Variants in RALGPS1 observed in about 807,000 individuals in gnomAD.
RALGPS1 encodes ras-specific guanine nucleotide-releasing factor RalGPS1.
RALGPS1 carries 19 observed loss-of-function variants against 78.8 expected under a neutral mutation model. That is an observed-to-expected ratio of 0.24 (90% CI 0.17 to 0.35). RALGPS1 has a LOEUF of 0.35. Among genes scored for constraint, RALGPS1 ranks in the 10% least tolerant of loss-of-function variants. RALGPS1 has a pLI of 1.00. For missense variants in RALGPS1, 454 were observed against 688.3 expected, an observed-to-expected ratio of 0.66 and a Z score of 3.81; for synonymous variants, 228 against 256.3, an observed-to-expected ratio of 0.89 and a Z score of 1.06.
chr9:127,054,576 G>C (rs2048555684), intron 7 of RALGPS1, among the ~76,000 whole-genome samples: 1 of 152,156 alleles, frequency 6.6e-6, no homozygotes, highest in Non-Finnish European at 1.5e-5. Context: ...CAGGACAGTG[G>C]GCAGCAGCAG....
chr9:127,178,536 A>G (rs902470183), intron 11 of RALGPS1: 151 of 977,232 alleles, frequency 1.5e-4, no homozygotes, highest in East Asian at 2.3e-4. Context: ...TTCTGCCTCC[A>G]TCATTGCCTC....
At chr9:126,972,560 T>C (rs936499230) in intron 3 of RALGPS1, among the ~76,000 whole-genome samples, 1 of 152,190 alleles carries the variant, frequency 6.6e-6, no homozygotes, top group Non-Finnish European at 1.5e-5. Flanking sequence ...GATGAAGCAG[T>C]GTGCCGCCAC....
intron 17 of RALGPS1, 122 bp downstream of exon 17, chr9:127,213,171 C>T: frequency 1.3e-6 from 2 of 1,486,744 alleles, no homozygotes; most frequent in African/African-American, 2.8e-5. Context: ...GCTTTAGATT[C>T]TGACGTTCAT....
chr9:126,945,961 G>A (rs1488515275), intron 1 of RALGPS1, among the ~76,000 whole-genome samples: 1 of 152,180 alleles, frequency 6.6e-6, no homozygotes, highest in Admixed American at 6.5e-5. Flanking sequence ...ACCTTTTTTA[G>A]TGTATTGTTA....
intron 8 of RALGPS1, among the ~76,000 whole-genome samples, chr9:127,112,057 C>CA (rs1243912203): frequency 5.3e-5 from 8 of 152,200 alleles, no homozygotes; most frequent in Admixed American, 5.2e-4. Context: ...AGCCAGTGAG[C>CA]AGTTACAAAA....
At chr9:126,957,649 C>G (rs1434982924) in intron 1 of RALGPS1, among the ~76,000 whole-genome samples, 1 of 152,186 alleles carries the variant, frequency 6.6e-6, no homozygotes, top group Admixed American at 6.5e-5. Flanking sequence ...GCCTTTGAAT[C>G]TTGAGATGGA....
chr9:127,008,287 A>C (rs572417671), intron 4 of RALGPS1, among the ~76,000 whole-genome samples: 1 of 152,210 alleles, frequency 6.6e-6, no homozygotes. Context: ...TTCTTACTCA[A>C]ATAGCTGGGC....
Position 127,066,635 on chromosome 9 carries a change from C to T in RALGPS1, c.484-2595C>T, listed in dbSNP as rs1328255509. Among the ~76,000 whole-genome samples the T allele has an allele frequency of 4.6e-5, 7 of 152,050 alleles. No individual in the cohort carries two copies. The South Asian group carries it at 8.3e-4, about 18-fold the overall frequency. On this transcript the variant is annotated intron_variant, in intron 7 of 18. Coordinates refer to ENST00000259351, the MANE Select transcript of RALGPS1 (RefSeq NM_014636.3). ...CAGTCTGGGAGACAGAGTGAGACTCCGTCTCCACAAAGACAAAACAAAACA... is the reference window on the plus strand; with the variant it reads ...CAGTCTGGGAGACAGAGTGAGACTCTGTCTCCACAAAGACAAAACAAAACA...
At chr9:127,130,409 C>T (rs575494771) in intron 8 of RALGPS1, among the ~76,000 whole-genome samples, 188 of 152,324 alleles carry the variant, frequency 1.2e-3, no homozygotes, top group Non-Finnish European at 1.6e-3. Context: ...TGAAGGTCAT[C>T]AGTCATTTTG....
chr9:127,160,916 A>G (rs1157841946), intron 8 of RALGPS1, among the ~76,000 whole-genome samples: 1 of 152,204 alleles, frequency 6.6e-6, no homozygotes, highest in African/African-American at 2.4e-5. Flanking sequence ...GGTAAACACA[A>G]TACTTCCCTT....
intron 18 of RALGPS1, chr9:127,216,153 G>A (rs988898200): frequency 6.6e-6 from 1 of 152,232 alleles, no homozygotes; most frequent in Non-Finnish European, 1.5e-5. Context: ...ACAGTGACAG[G>A]TCCTAGGGCT....
At chr9:127,134,425 G>A (rs1020848821) in intron 8 of RALGPS1, among the ~76,000 whole-genome samples, 3 of 152,112 alleles carry the variant, frequency 2.0e-5, no homozygotes, top group Non-Finnish European at 4.4e-5. Context: ...CCCCACCTAA[G>A]ACCCCTTTCA....
intron 11 of RALGPS1, among the ~76,000 whole-genome samples, chr9:127,186,533 GCCA>G (rs2060657661): frequency 6.6e-6 from 1 of 152,264 alleles, no homozygotes; most frequent in East Asian, 1.9e-4. Context: ...TCACGTGGTG[GCCA>G]CCCCAGGCTT....
intron 8 of RALGPS1, among the ~76,000 whole-genome samples, chr9:127,128,091 A>C (rs1002974910): frequency 6.7e-6 from 1 of 149,162 alleles, no homozygotes; most frequent in Non-Finnish European, 1.5e-5. Flanking sequence ...GAATGAGAAC[A>C]TGTGGTGTTT....
rs2049981881 is a variant in RALGPS1 at position 127,069,291 on chromosome 9, A to G, written c.545A>G (p.Asp182Gly). The G allele has an allele frequency of 1.2e-6, 2 of 1,613,674 alleles. No individual in the cohort carries two copies. Among genetic ancestry groups the G allele is most frequent in the Non-Finnish European group, 1.7e-6 (2 of 1,179,638 alleles). ...EKLDYLMSKE[D>G]NYKRTREYIR... is the part of the protein sequence containing the mutation. ...TTGGACTACCTGATGTCGAAAGAAG[A>G]TAATTACAAGCGGACACGGGAATAT... The change falls in exon 8 of 19, where the codon GAT becomes GGT. Residue 182 changes from aspartate (D) to glycine (G), a missense_variant. Physicochemically the swap from Asp to Gly is moderately conservative, Grantham distance 94. Coordinates refer to ENST00000259351, the MANE Select transcript of RALGPS1 (RefSeq NM_014636.3).
At position 127,212,080 on chromosome 9, in the gene RALGPS1, G is replaced by A. The variant is rs761286742; in HGVS notation, c.1248-51G>A. The A allele has an allele frequency of 1.4e-6, 2 of 1,465,310 alleles. No individual in the cohort carries two copies. The highest frequency in any genetic ancestry group is 1.4e-5 in the African/African-American group (1 of 71,374). 90.8% of individuals were successfully genotyped at this position (1,465,310 alleles called of 1,614,324 possible). ...TGTGGTCCCCAGTGAGTGAGAGGGT[G>A]CTTGACCTCAGCTCCTCCAGGGCGA... On this transcript the variant is annotated intron_variant, in intron 14 of 18. Transcript: ENST00000259351. This position sits in a 1 kb window ranked among gnomAD's most constrained non-coding sequence, Gnocchi z 6.0.
intron 4 of RALGPS1, among the ~76,000 whole-genome samples, chr9:126,991,108 T>A (rs1391704874): frequency 2.6e-5 from 4 of 152,198 alleles, no homozygotes; most frequent in African/African-American, 9.7e-5. Flanking sequence ...GCTGTCTAAT[T>A]TGTTACCGCT....
intron 8 of RALGPS1, chr9:127,108,221 G>T (rs754760924): frequency 1.2e-6 from 2 of 1,613,994 alleles, no homozygotes; most frequent in East Asian, 4.5e-5. Flanking sequence ...CTGGCCAGCT[G>T]CAGCATGTCG....
At chr9:127,156,202 G>GT (rs915945377) in intron 8 of RALGPS1, among the ~76,000 whole-genome samples, 1 of 152,100 alleles carries the variant, frequency 6.6e-6, no homozygotes, top group Non-Finnish European at 1.5e-5. Context: ...TAAACCATGT[G>GT]TTTTTTGTAT....
Sources: gnomAD v4.1 joint callset for allele counts (sites outside exome capture counted in the v4.1 genomes callset) on GRCh38, gnomAD v4.1.1 for gene constraint, Gnocchi (gnomAD v3.1) non-coding constraint, MANE v1.5 for transcripts, NCBI Gene and HGNC (gene_info 2026-07-23, HGNC 2026-07-21) for gene names.